Variants in ACADM observed in about 807,000 individuals in gnomAD.
The protein encoded by ACADM is acyl-CoA dehydrogenase medium chain.
Under a neutral mutation model 58.9 loss-of-function variants are expected in ACADM, and 49 were observed. The observed-to-expected ratio is 0.83, with a 90% CI of 0.66 to 1.06. The LOEUF (loss-of-function observed/expected upper bound fraction) is 1.06, where lower values mean the gene tolerates loss of function less well. ACADM is among the 50% of genes least tolerant of loss of function. ACADM has a pLI of 0.00. For missense variants in ACADM, 496 were observed against 507.0 expected (o/e 0.98, Z 0.21); for synonymous variants, 160 against 157.7 (o/e 1.01, Z -0.11).
intron 8 of ACADM, among the ~76,000 whole-genome samples, chr1:75,747,524 G>A (rs1352603831): frequency 6.6e-6 from 1 of 152,176 alleles, no homozygotes; most frequent in African/African-American, 2.4e-5. Context: ...GGTGGTTCAT[G>A]ACTGTAATCC....
intron 10 of ACADM, among the ~76,000 whole-genome samples, chr1:75,757,226 A>G (rs1648557500): frequency 6.6e-6 from 1 of 152,220 alleles, no homozygotes; most frequent in Admixed American, 6.5e-5. Context: ...ATTAAACTCA[A>G]GAGTTTCTGC....
At chr1:75,756,664 C>T (rs1042757979) in intron 10 of ACADM, among the ~76,000 whole-genome samples, 2 of 152,150 alleles carry the variant, frequency 1.3e-5, no homozygotes, top group Non-Finnish European at 2.9e-5. Flanking sequence ...TCAGTGCCAT[C>T]CCCTTCAAGC....
intron 10 of ACADM, among the ~76,000 whole-genome samples, chr1:75,752,589 G>C (rs762652309): frequency 1.3e-5 from 2 of 152,076 alleles, no homozygotes; most frequent in Non-Finnish European, 2.9e-5. Context: ...TTAATCTGTT[G>C]ATTTTTTATT....
intron 10 of ACADM, among the ~76,000 whole-genome samples, chr1:75,760,067 T>A (rs560992529): frequency 6.6e-6 from 1 of 151,068 alleles, no homozygotes; most frequent in East Asian, 2.0e-4. Context: ...AGCCCAGGAG[T>A]TTGAGAACAG....
chr1:75,727,744 A>C (rs962291125), intron 1 of ACADM, among the ~76,000 whole-genome samples: 1 of 152,298 alleles, frequency 6.6e-6, no homozygotes, highest in South Asian at 2.1e-4. Flanking sequence ...TGTGAACCAG[A>C]TGGTCTCTGT....
intron 10 of ACADM, among the ~76,000 whole-genome samples, chr1:75,755,412 T>A (rs1221281515): frequency 1.3e-5 from 2 of 152,128 alleles, no homozygotes; most frequent in African/African-American, 2.4e-5. Context: ...AGACGAAGCT[T>A]CCAGAGGAAC....
chr1:75,758,106 AG>A (rs1648613039), intron 10 of ACADM, among the ~76,000 whole-genome samples: 1 of 151,908 alleles, frequency 6.6e-6, no homozygotes, highest in Non-Finnish European at 1.5e-5. Flanking sequence ...CTTGTTGCCC[AG>A]GCTGGAGTGT....
intron 1 of ACADM, among the ~76,000 whole-genome samples, chr1:75,726,459 C>T (rs1398867664): frequency 6.6e-6 from 1 of 151,682 alleles, no homozygotes; most frequent in Admixed American, 6.6e-5. Context: ...ATAATAGAGT[C>T]AGGTTTTTTG....
intron 10 of ACADM, 45 bp downstream of exon 10, chr1:75,750,591 T>A: frequency 8.1e-7 from 1 of 1,236,606 alleles, no homozygotes; most frequent in South Asian, 1.2e-5. Flanking sequence ...AAGACACTCA[T>A]TTTCATTTAA....
At chr1:75,744,583 A>G in intron 7 of ACADM, 1 of 1,342,866 alleles carries the variant, frequency 7.4e-7, no homozygotes, top group Non-Finnish European at 1.1e-6. Context: ...ATACTTGCAT[A>G]CAGTTGTAGT....
chr1:75,741,589 C>G (rs1031603666), intron 7 of ACADM, among the ~76,000 whole-genome samples: 2 of 152,056 alleles, frequency 1.3e-5, no homozygotes, highest in Non-Finnish European at 2.9e-5. Context: ...TAACGAGACC[C>G]CATCTTTACA....
intron 6 of ACADM, among the ~76,000 whole-genome samples, chr1:75,736,572 A>G (rs1647274113): frequency 6.6e-6 from 1 of 152,162 alleles, no homozygotes; most frequent in Non-Finnish European, 1.5e-5. Context: ...CCATGAGGGA[A>G]TAGTTTAGGA....
chr1:75,739,927 A>G (rs1647469078), intron 6 of ACADM, 53 bp from the exon 7 acceptor site: 5 of 1,390,122 alleles, frequency 3.6e-6, no homozygotes, highest in Non-Finnish European at 4.9e-6. Flanking sequence ...CCAAACAGTC[A>G]AAATTTAATC....
At chr1:75,761,413 T>C (rs1648850794) in intron 11 of ACADM, 43 bp downstream of exon 11, 3 of 1,598,278 alleles carry the variant, frequency 1.9e-6, no homozygotes, top group Admixed American at 3.3e-5. Context: ...GGAGAGAGAA[T>C]ATTCATAAAT....
At chr1:75,762,649 A>G (rs780904933) in intron 11 of ACADM, 43 bp from the exon 12 acceptor site, 2 of 1,195,230 alleles carry the variant, frequency 1.7e-6, no homozygotes, top group South Asian at 1.2e-5. Flanking sequence ...CAAAGTATTT[A>G]TGTACTAAAG....
chr1:75,729,391 C>T (rs1647109454), intron 2 of ACADM, among the ~76,000 whole-genome samples: 1 of 148,468 alleles, frequency 6.7e-6, no homozygotes, highest in Admixed American at 6.7e-5. Context: ...CTTATTTCAG[C>T]CTCCCAAAGT....
chr1:75,729,295 C>CTTTTTTTTTTTTTTTTTTTAGTTTAGGTT, intron 2 of ACADM, among the ~76,000 whole-genome samples: 1 of 85,354 alleles, frequency 1.2e-5, no homozygotes, highest in Non-Finnish European at 2.1e-5. Flanking sequence ...TTTCTTTTTT[C>CTTTTTTTTTTTTTTTTTTTAGTTTAGGTT]TTTTTTTTTT....
At chr1:75,749,112 T>C (rs1220326970) in intron 8 of ACADM, among the ~76,000 whole-genome samples, 1 of 152,228 alleles carries the variant, frequency 6.6e-6, no homozygotes, top group African/African-American at 2.4e-5. Flanking sequence ...TGAAACATTG[T>C]TTTAGATTAT....
chr1:75,747,946 AC>A (rs1041752117), intron 8 of ACADM, among the ~76,000 whole-genome samples: 2 of 152,190 alleles, frequency 1.3e-5, no homozygotes, highest in African/African-American at 4.8e-5. Flanking sequence ...ACTTTTAAAG[AC>A]AAAATAAAGG....
Sources: allele counts gnomAD v4.1 joint callset (sites outside exome capture counted in the v4.1 genomes callset), GRCh38; gene constraint gnomAD v4.1.1; transcripts MANE v1.5; gene names NCBI Gene and HGNC (gene_info 2026-07-23, HGNC 2026-07-21).